GSR: variants seen among roughly 807,000 people sequenced by gnomAD.
The protein encoded by GSR is glutathione reductase, mitochondrial.
In GSR, 48 loss-of-function variants were observed where a neutral mutation model predicts 56.5. That is an observed-to-expected ratio of 0.85 (90% CI 0.67 to 1.08). The LOEUF is 1.08. Among genes scored for constraint, GSR ranks in the 50% least tolerant of loss-of-function variants. The pLI is 0.00. For synonymous variants in GSR, 264 were observed against 270.8 expected (o/e 0.97, Z 0.25); for missense variants, 694 against 703.3 (o/e 0.99, Z 0.15).
At chr8:30,708,976 A>T (rs1274123868) in intron 3 of GSR, among the ~76,000 whole-genome samples, 2 of 150,806 alleles carry the variant, frequency 1.3e-5, no homozygotes, top group African/African-American at 2.4e-5. Context: ...AAAAAAAAAA[A>T]GGTAAAAACA....
chr8:30,724,856 T>C (rs1455944557), intron 1 of GSR, among the ~76,000 whole-genome samples: 1 of 152,174 alleles, frequency 6.6e-6, no homozygotes, highest in Non-Finnish European at 1.5e-5. Context: ...GAGGTTCTTA[T>C]GAGCCTCAGT....
intron 12 of GSR, among the ~76,000 whole-genome samples, chr8:30,680,498 G>C (rs2128736298): frequency 6.9e-6 from 1 of 144,818 alleles, no homozygotes; most frequent in East Asian, 2.2e-4. Flanking sequence ...AGGTTCAAGT[G>C]ATTCTCCTGC....
chr8:30,711,354 C>T (rs887146827), intron 2 of GSR, among the ~76,000 whole-genome samples: 28 of 152,118 alleles, frequency 1.8e-4, no homozygotes, highest in Non-Finnish European at 1.2e-4. Flanking sequence ...GTTTTTTCCT[C>T]TTTGTCAAGG....
intron 4 of GSR, among the ~76,000 whole-genome samples, chr8:30,703,761 G>T (rs371782048): frequency 2.0e-5 from 3 of 149,338 alleles, no homozygotes; most frequent in African/African-American, 7.4e-5. Flanking sequence ...GAAAGAAGAA[G>T]AAGGAAGGAG....
chr8:30,685,283 A>G (rs1324544119), intron 9 of GSR, among the ~76,000 whole-genome samples: 5 of 152,040 alleles, frequency 3.3e-5, no homozygotes, highest in African/African-American at 2.4e-5. Context: ...TTTATAGAAT[A>G]GGTCTTGCTG....
chr8:30,718,907 G>C (rs1003901095), intron 1 of GSR, among the ~76,000 whole-genome samples: 5 of 117,356 alleles, frequency 4.3e-5, no homozygotes, highest in Admixed American at 3.8e-4. Flanking sequence ...ACTATGCCCT[G>C]CTAAGGTGTT....
At chr8:30,717,421 C>A (rs945879023) in intron 1 of GSR, among the ~76,000 whole-genome samples, 8 of 151,756 alleles carry the variant, frequency 5.3e-5, no homozygotes, top group South Asian at 2.1e-4. Flanking sequence ...GGCTCCCTGA[C>A]CGCCAGGTGC....
At chr8:30,725,537 G>T (rs1804696518) in intron 1 of GSR, among the ~76,000 whole-genome samples, 1 of 151,470 alleles carries the variant, frequency 6.6e-6, no homozygotes, top group African/African-American at 2.4e-5. Context: ...TCCAGCCTGG[G>T]TGACAGAGCA....
In GSR at chr8:30,727,812, C is replaced by A; in HGVS notation, c.24G>T (p.Leu8=). The change falls in exon 1 of 13, where the codon CTG becomes CTT. Residue 8 remains leucine, a synonymous_variant. Coordinates refer to ENST00000221130, the MANE Select transcript of GSR (RefSeq NM_000637.5). ...GCCAGCTCGGTCCCGCGCCGGCGCT[C>A]AGGGCTCGGGGCAGCAGGGCCATGC... MALLPRA[L]SAGAGPSWRR... is the part of the protein sequence containing the mutation. The A allele has an allele frequency of 7.7e-7, 1 of 1,299,226 alleles. No homozygotes were observed. Among genetic ancestry groups the A allele is most frequent in the South Asian group, 2.2e-5 (1 of 46,110 alleles). The allele number at this position is 1,299,226 out of a possible 1,614,324, so 80.5% of individuals were successfully genotyped here.
rs55702917 is a variant in GSR, at chr8:30,700,723, C to CAAAAAA, written c.641-594_641-589dup. Among the ~76,000 whole-genome samples, 10 of 80,056 alleles carry CAAAAAA rather than the reference C, an allele frequency of 1.2e-4. 1 individual carries two copies. Among genetic ancestry groups the CAAAAAA allele is most frequent in the African/African-American group, 4.1e-4 (9 of 22,188 alleles). 52.5% of individuals were successfully genotyped at this position (80,056 alleles called of 152,430 possible). On this transcript the variant is annotated intron_variant, in intron 5 of 12. Coordinates refer to ENST00000221130, the MANE Select transcript of GSR (RefSeq NM_000637.5). ...TGGGAACAGAGCAAGATTTTGTCTC[C>CAAAAAA]AAAAAAAAAAAAAAAAAAAAAAAAA...
At chr8:30,702,543 C>G (rs757004493) in intron 5 of GSR, among the ~76,000 whole-genome samples, 1 of 152,102 alleles carries the variant, frequency 6.6e-6, no homozygotes, top group Non-Finnish European at 1.5e-5. Context: ...ACCCGTCTGA[C>G]AAACTGAGGC....
At chr8:30,682,439 C>T (rs925951403) in intron 10 of GSR, among the ~76,000 whole-genome samples, 3 of 152,170 alleles carry the variant, frequency 2.0e-5, no homozygotes, top group African/African-American at 4.8e-5. Flanking sequence ...TTTAAAATAT[C>T]GTATAAAGTT....
chr8:30,699,348 T>A (rs999350974), intron 6 of GSR, among the ~76,000 whole-genome samples: 4 of 151,596 alleles, frequency 2.6e-5, no homozygotes, highest in Non-Finnish European at 5.9e-5. Flanking sequence ...GTGGCTCACA[T>A]CTGTAATTCC....
rs1382268746 is a variant in GSR at position 30,700,755 on chromosome 8, C to T, written c.641-620G>A. Among the ~76,000 whole-genome samples the T allele has an allele frequency of 5.0e-5, 4 of 80,156 alleles. No individual in the cohort carries two copies. In the Admixed American group the frequency reaches 5.3e-4, roughly 11 times the overall value. 52.6% of individuals were successfully genotyped at this position (80,156 alleles called of 152,430 possible). A position where few individuals can be genotyped will look rare whatever the true frequency, so the allele number is the denominator to read the frequency against. On this transcript the variant is annotated intron_variant, in intron 5 of 12. Coordinates refer to ENST00000221130, the MANE Select transcript of GSR (RefSeq NM_000637.5). The stretch of plus-strand genomic sequence containing the variant: ...AAAAAAAAAAAAAAAAAAAAATCGA[C>T]GTGGCCCTTTCCTCTCTGCTTATTC...
Position 30,708,876 on chromosome 8 carries a change from G to A in GSR, c.423-735C>T, listed in dbSNP as rs560971991. 1.5e-3 allele frequency among the ~76,000 whole-genome samples: 223 copies of A among 148,896 alleles called. 1 individual carries two copies. Among genetic ancestry groups the A allele is most frequent in the Non-Finnish European group, 2.2e-3 (145 of 67,098 alleles). On this transcript the variant is annotated intron_variant, in intron 3 of 12. Transcript: ENST00000221130. The stretch of plus-strand genomic sequence containing the variant: ...CAGGAGGCTGAGGCAGGAGAATGGC[G>A]TGAACCCGGTAGGCGGAGCGTGCAG...
rs1342163774 is a variant in GSR, at chr8:30,727,721, C to T, written c.115G>A (p.Ala39Thr). ...LLPEPAALTR[A>T]LSRAMACRQE... Reference sequence around the variant, plus strand: ...CTGCAGGCCATGGCACGGGAGAGGGCGCGCGTGAGGGCCGCGGGCTCGGGC... The same window carrying T: ...CTGCAGGCCATGGCACGGGAGAGGGTGCGCGTGAGGGCCGCGGGCTCGGGC... The change falls in exon 1 of 13, where the codon GCC becomes ACC. Residue 39 changes from alanine (A) to threonine (T), a missense_variant. Coordinates refer to ENST00000221130, the MANE Select transcript of GSR (RefSeq NM_000637.5). The T allele has an allele frequency of 3.5e-5, 49 of 1,410,164 alleles. No individual in the cohort carries two copies. Among genetic ancestry groups the T allele is most frequent in the Non-Finnish European group, 4.0e-5 (44 of 1,088,134 alleles). 87.4% of individuals were successfully genotyped at this position (1,410,164 alleles called of 1,614,324 possible).
At chr8:30,716,307 T>C (rs2074089719) in intron 1 of GSR, among the ~76,000 whole-genome samples, 1 of 152,204 alleles carries the variant, frequency 6.6e-6, no homozygotes, top group Non-Finnish European at 1.5e-5. Flanking sequence ...AATTGTGGCC[T>C]TGTTGGGCCA....
chr8:30,707,657 G>A (rs902292106), intron 4 of GSR, among the ~76,000 whole-genome samples: 7 of 150,830 alleles, frequency 4.6e-5, no homozygotes, highest in African/African-American at 9.8e-5. Flanking sequence ...AGACCTGGTC[G>A]TTAAAAATAA....
At chr8:30,687,671 CAAACA>C (rs1378164053) in intron 9 of GSR, 2 of 152,030 alleles carry the variant, frequency 1.3e-5, no homozygotes, top group Non-Finnish European at 2.9e-5. Flanking sequence ...AACAAACAAA[CAAACA>C]AAAAAACCCA....
Sources: gnomAD v4.1 joint callset for allele counts (sites outside exome capture counted in the v4.1 genomes callset) on GRCh38, gnomAD v4.1.1 for gene constraint, MANE v1.5 for transcripts, NCBI Gene and HGNC (gene_info 2026-07-23, HGNC 2026-07-21) for gene names.